The following DIS3L2 variants were observed in gnomAD, a reference collection of about 807,000 sequenced individuals.
DIS3L2 encodes DIS3-like exonuclease 2.
Under a neutral mutation model 97.5 loss-of-function variants are expected in DIS3L2, and 34 were observed. The observed-to-expected ratio is 0.35, with a 90% CI of 0.27 to 0.46. The LOEUF is 0.46. Among genes scored for constraint, DIS3L2 ranks in the 20% least tolerant of loss-of-function variants. The probability of loss-of-function intolerance (pLI) is 1.00; values close to 1 mark genes in which losing one functional copy is unlikely to be tolerated. For missense variants in DIS3L2, 1,038 were observed against 1,146.0 expected, an observed-to-expected ratio of 0.91 and a Z score of 1.36; for synonymous variants, 435 against 445.2, an observed-to-expected ratio of 0.98 and a Z score of 0.29.
intron 1 of DIS3L2, chr2:231,978,690 G>C (rs938933803): frequency 1.3e-5 from 2 of 152,202 alleles, no homozygotes; most frequent in Non-Finnish European, 2.9e-5. Context: ...CTCTTCAAGG[G>C]GGTGTTAGCT....
At chr2:232,209,363 A>G (rs1574947089) in intron 9 of DIS3L2, among the ~76,000 whole-genome samples, 1 of 152,216 alleles carries the variant, frequency 6.6e-6, no homozygotes, top group Admixed American at 6.5e-5. Flanking sequence ...ACAGAGGAGC[A>G]ACACCAGGGA....
At chr2:232,210,706 C>T (rs970577911) in intron 10 of DIS3L2, among the ~76,000 whole-genome samples, 10 of 152,206 alleles carry the variant, frequency 6.6e-5, no homozygotes, top group African/African-American at 2.4e-4. Context: ...CAGATGGTTC[C>T]AGTGTTGGTG....
intron 8 of DIS3L2, among the ~76,000 whole-genome samples, chr2:232,148,748 C>CTT (rs34837114): frequency 0.37 from 36,440 of 98,798 alleles, 7,301 homozygotes; most frequent in Non-Finnish European, 0.46. Context: ...AATTTTCTTT[C>CTT]TTTTTTTTTT....
intron 1 of DIS3L2, among the ~76,000 whole-genome samples, chr2:231,985,128 T>TTG (rs1693373972): frequency 1.3e-5 from 2 of 152,310 alleles, no homozygotes; most frequent in African/African-American, 2.4e-5. Flanking sequence ...TTTTACTCAT[T>TTG]TGTGTGTGTG....
At chr2:232,258,557 CTGG>C (rs1693629433) in intron 12 of DIS3L2, among the ~76,000 whole-genome samples, 2 of 141,166 alleles carry the variant, frequency 1.4e-5, no homozygotes, top group South Asian at 4.6e-4. Flanking sequence ...GCACTCCAAC[CTGG>C]TGACAGAGTG....
intron 1 of DIS3L2, among the ~76,000 whole-genome samples, chr2:231,986,255 T>A (rs1693412568): frequency 6.6e-6 from 1 of 152,208 alleles, no homozygotes; most frequent in South Asian, 2.1e-4. Flanking sequence ...GGACTTTGCC[T>A]TGTGATTGTA....
At chr2:232,302,560 T>C (rs1335602363) in intron 14 of DIS3L2, among the ~76,000 whole-genome samples, 5 of 151,130 alleles carry the variant, frequency 3.3e-5, no homozygotes, top group African/African-American at 1.2e-4. Flanking sequence ...CTTCTTCTTT[T>C]TTTTTTTTTT....
Position 232,336,555 on chromosome 2 carries a change from C to T in DIS3L2, c.2583C>T (p.Gly861=), listed in dbSNP as rs755351348. Residue 861 remains glycine, a synonymous_variant, in exon 21 of 21, where the codon GGC becomes GGT. Transcript: ENST00000325385. ...ACAGCGCCATCCTGAAGCGGCCAGG[C>T]ACCCAGGGCCACCTGGGCCCTGAGA... The part of the protein sequence containing the change: ...LKYSAILKRP[G]TQGHLGPEKE... The T allele has an allele frequency of 1.9e-6, 3 of 1,609,720 alleles. No homozygotes were observed. Among genetic ancestry groups the T allele is most frequent in the Non-Finnish European group, 2.5e-6 (3 of 1,179,956 alleles).
chr2:232,167,674 C>A (rs1179044064), intron 9 of DIS3L2, among the ~76,000 whole-genome samples: 1 of 152,144 alleles, frequency 6.6e-6, no homozygotes, highest in Non-Finnish European at 1.5e-5. Flanking sequence ...CTTGTGGATT[C>A]ATTGAAAGGT....
chr2:232,194,062 A>G (rs1347768601), intron 9 of DIS3L2, among the ~76,000 whole-genome samples: 1 of 152,142 alleles, frequency 6.6e-6, no homozygotes, highest in African/African-American at 2.4e-5. Context: ...GTGAGCCGGG[A>G]TCGTACCACT....
rs747695986 is a variant in DIS3L2 at position 232,249,267 on chromosome 2, G to C, written c.1346G>C (p.Cys449Ser). Residue 449 changes from cysteine to serine, a missense_variant, in exon 12 of 21, where the codon TGT becomes TCT. This residue lies in a region of DIS3L2 where 813 missense variants were observed against 880.1 expected (regional missense o/e 0.92). Transcript: ENST00000325385. The part of the protein sequence containing the change: ...KVVPMLPRLL[C>S]EELCSLNPMS... ...GTCCCCATGCTTCCCAGGCTGCTGT[G>C]TGAGGAGCTGTGCAGCCTCAACCCC... 2 of 1,614,044 alleles carry C rather than the reference G, an allele frequency of 1.2e-6. No individual in the cohort carries two copies. The highest frequency in any genetic ancestry group is 4.5e-5 in the East Asian group (2 of 44,900).
At chr2:232,133,822 C>T (rs1698282441) in intron 7 of DIS3L2, among the ~76,000 whole-genome samples, 1 of 151,532 alleles carries the variant, frequency 6.6e-6, no homozygotes. Context: ...CCTGTCTCTA[C>T]TAAAAAAATA....
chr2:232,018,777 T>C (rs1006546604), intron 3 of DIS3L2, among the ~76,000 whole-genome samples: 4 of 152,170 alleles, frequency 2.6e-5, no homozygotes, highest in African/African-American at 9.7e-5. Flanking sequence ...GACATTTCAT[T>C]AGTATTTTTT....
chr2:231,966,088 T>TAGATCC (rs1282840787), intron 1 of DIS3L2, among the ~76,000 whole-genome samples: 2 of 152,152 alleles, frequency 1.3e-5, no homozygotes, highest in Admixed American at 6.5e-5. Context: ...AATGAGTGGA[T>TAGATCC]AGATCCCTCT....
chr2:232,301,835 CTT>C (rs557282669), intron 14 of DIS3L2, among the ~76,000 whole-genome samples: 22 of 105,464 alleles, frequency 2.1e-4, no homozygotes, highest in African/African-American at 5.1e-4. Context: ...TAGCCTAGCT[CTT>C]TTTTTTTTTT....
chr2:232,080,512 A>G (rs1696355421), intron 5 of DIS3L2, among the ~76,000 whole-genome samples: 1 of 152,114 alleles, frequency 6.6e-6, no homozygotes, highest in Non-Finnish European at 1.5e-5. Flanking sequence ...TTTTTGAAAA[A>G]CAGTCATAAC....
At chr2:232,173,015 G>A (rs1366318518) in intron 9 of DIS3L2, among the ~76,000 whole-genome samples, 1 of 152,148 alleles carries the variant, frequency 6.6e-6, no homozygotes, top group Non-Finnish European at 1.5e-5. Context: ...TGTAGTTTCT[G>A]TATTCCAAAC....
At chr2:232,093,355 A>G (rs1170755112) in intron 6 of DIS3L2, among the ~76,000 whole-genome samples, 1 of 151,884 alleles carries the variant, frequency 6.6e-6, no homozygotes, top group Non-Finnish European at 1.5e-5. Context: ...GTTTTTTTTA[A>G]ATATATGTCT....
intron 3 of DIS3L2, among the ~76,000 whole-genome samples, chr2:232,020,023 T>C (rs917621984): frequency 6.6e-6 from 1 of 151,878 alleles, no homozygotes; most frequent in Non-Finnish European, 1.5e-5. Context: ...CATAGGTGGA[T>C]AGCTCAGCTA....
Sources: gnomAD v4.1 joint callset for allele counts (sites outside exome capture counted in the v4.1 genomes callset) on GRCh38, gnomAD v4.1.1 for gene constraint, gnomAD v4.1.1 regional missense constraint, MANE v1.5 for transcripts, NCBI Gene and HGNC (gene_info 2026-07-23, HGNC 2026-07-21) for gene names.